Variants in PTPRD observed in about 807,000 individuals in gnomAD.
PTPRD encodes the protein receptor-type tyrosine-protein phosphatase delta.
A neutral mutation model predicts 214.5 loss-of-function variants in PTPRD; 34 were observed. The observed-to-expected ratio is 0.16, with a 90% confidence interval of 0.12 to 0.21. PTPRD has a LOEUF of 0.21. Among genes scored for constraint, PTPRD ranks in the 10% least tolerant of loss-of-function variants. The pLI is 1.00. For synonymous variants in PTPRD, 1,128 were observed against 845.7 expected (o/e 1.33, Z -5.79); for missense variants, 2,545 against 2,398.7 (o/e 1.06, Z -1.27).
At chr9:9,892,155 G>C (rs1297787757) in intron 5 of PTPRD, among the ~76,000 whole-genome samples, 1 of 152,002 alleles carries the variant, frequency 6.6e-6, no homozygotes, top group Non-Finnish European at 1.5e-5. Flanking sequence ...TTTATTTTAG[G>C]GCAGGTGCTG....
intron 11 of PTPRD, among the ~76,000 whole-genome samples, chr9:8,782,248 A>G (rs2095743490): frequency 6.6e-6 from 1 of 152,126 alleles, no homozygotes; most frequent in Non-Finnish European, 1.5e-5. Context: ...TAAAATATCT[A>G]TGCCTCACTT....
intron 4 of PTPRD, among the ~76,000 whole-genome samples, chr9:9,955,521 G>GTTTTT (rs1194987444): frequency 2.6e-4 from 38 of 145,588 alleles, no homozygotes; most frequent in African/African-American, 8.4e-4. Flanking sequence ...GTTTTGTTTT[G>GTTTTT]TTTTGTTTTT....
chr9:9,346,806 C>A (rs2048988779), intron 9 of PTPRD, among the ~76,000 whole-genome samples: 1 of 152,070 alleles, frequency 6.6e-6, no homozygotes, highest in Non-Finnish European at 1.5e-5. Flanking sequence ...TATTCTCCTG[C>A]CTCAGCCTCT....
Position 8,331,441 on chromosome 9 carries a change from G to GAGAAAT in PTPRD, c.5534+135_5534+140dup. The GAGAAAT allele has an allele frequency of 3.1e-6, 3 of 982,750 alleles. 1 individual carries two copies. Among genetic ancestry groups the GAGAAAT allele is most frequent in the Non-Finnish European group, 4.3e-6 (3 of 696,836 alleles). The allele number at this position is 982,750 out of a possible 1,614,324, so 60.9% of individuals were successfully genotyped here. A position where few individuals can be genotyped will look rare whatever the true frequency, so the allele number is the denominator to read the frequency against. Reference sequence around the variant, plus strand: ...CTTATTTTCACTTTATGAAAAGAAAGAGAAATCAATCCTGCTTTAAGTTTT... The same window carrying GAGAAAT: ...CTTATTTTCACTTTATGAAAAGAAAGAGAAATAGAAATCAATCCTGCTTTAAGTTTT... On this transcript the variant is annotated intron_variant, in intron 44 of 45. Transcript: ENST00000381196.
chr9:8,982,749 C>A (rs879307678), intron 11 of PTPRD, among the ~76,000 whole-genome samples: 3 of 151,926 alleles, frequency 2.0e-5, no homozygotes, highest in African/African-American at 7.2e-5. Flanking sequence ...TATTTAGCAA[C>A]CTGCATGTCT....
chr9:9,619,858 G>A (rs2095135091), intron 7 of PTPRD, among the ~76,000 whole-genome samples: 1 of 146,488 alleles, frequency 6.8e-6, no homozygotes, highest in African/African-American at 2.5e-5. Flanking sequence ...TTTCTATATA[G>A]AAACATCTAT....
At chr9:8,465,753 A>G in intron 31 of PTPRD, 78 bp from the exon 32 acceptor site, 3 of 1,288,132 alleles carry the variant, frequency 2.3e-6, no homozygotes, top group Non-Finnish European at 3.2e-6. Context: ...GAGATAAATT[A>G]ATTCAGAACT....
chr9:9,029,847 G>A (rs226361), intron 10 of PTPRD, among the ~76,000 whole-genome samples: 144,981 of 151,916 alleles, frequency 0.95, 69,408 homozygotes, highest in Middle Eastern at 1. Flanking sequence ...TGGATGTGGA[G>A]ATCAGGGGAA....
At chr9:9,062,735 T>C (rs2099709848) in intron 10 of PTPRD, among the ~76,000 whole-genome samples, 1 of 152,184 alleles carries the variant, frequency 6.6e-6, no homozygotes, top group Non-Finnish European at 1.5e-5. Flanking sequence ...CATGTTACTG[T>C]GTAAATATCA....
At chr9:10,242,074 C>CTA (rs1476362524) in intron 3 of PTPRD, among the ~76,000 whole-genome samples, 1 of 151,846 alleles carries the variant, frequency 6.6e-6, no homozygotes, top group African/African-American at 2.4e-5. Flanking sequence ...GAATTAAAGA[C>CTA]TATATGACCT....
chr9:8,697,714 C>G (rs1266200886), intron 12 of PTPRD, among the ~76,000 whole-genome samples: 1 of 151,886 alleles, frequency 6.6e-6, no homozygotes, highest in Non-Finnish European at 1.5e-5. Flanking sequence ...TGAGCCACCA[C>G]GCCCAGGCCT....
At chr9:10,164,077 T>A (rs926198380) in intron 3 of PTPRD, among the ~76,000 whole-genome samples, 2 of 151,430 alleles carry the variant, frequency 1.3e-5, no homozygotes, top group African/African-American at 4.8e-5. Context: ...TTCTTTCAAG[T>A]GGGAAATGCA....
chr9:9,267,039 CA>C (rs1047740440), intron 9 of PTPRD, among the ~76,000 whole-genome samples: 13 of 151,254 alleles, frequency 8.6e-5, no homozygotes, highest in African/African-American at 2.7e-4. Context: ...AGAACATCAA[CA>C]AACTTTTAGC....
At chr9:9,812,137 ATT>A (rs59927512) in intron 5 of PTPRD, among the ~76,000 whole-genome samples, 14 of 151,704 alleles carry the variant, frequency 9.2e-5, no homozygotes, top group African/African-American at 2.2e-4. Flanking sequence ...AGGTATATGC[ATT>A]TTTTTTTAGA....
intron 7 of PTPRD, among the ~76,000 whole-genome samples, chr9:9,710,140 G>T (rs920713960): frequency 6.6e-6 from 1 of 152,024 alleles, no homozygotes; most frequent in Non-Finnish European, 1.5e-5. Flanking sequence ...ATTTATCTGT[G>T]TAGCAAATAC....
chr9:8,414,930 G>GGAGA (rs58529453), intron 35 of PTPRD, among the ~76,000 whole-genome samples: 1,309 of 49,122 alleles, frequency 0.027, 61 homozygotes, highest in Middle Eastern at 0.033. Context: ...AGAGGGAGGG[G>GGAGA]GAGAGAGAGA....
At chr9:9,433,003 G>T (rs1273373017) in intron 8 of PTPRD, among the ~76,000 whole-genome samples, 1 of 152,124 alleles carries the variant, frequency 6.6e-6, no homozygotes, top group Non-Finnish European at 1.5e-5. Flanking sequence ...AATCAGAGGG[G>T]TATAATATGT....
intron 12 of PTPRD, among the ~76,000 whole-genome samples, chr9:8,678,988 A>G (rs1279921917): frequency 1.3e-5 from 2 of 152,224 alleles, no homozygotes; most frequent in Non-Finnish European, 2.9e-5. Flanking sequence ...TCATGTCACA[A>G]TGCAAATCAG....
chr9:8,490,882 T>A (rs951658576), intron 27 of PTPRD, among the ~76,000 whole-genome samples: 5 of 152,258 alleles, frequency 3.3e-5, no homozygotes, highest in Non-Finnish European at 5.9e-5. Flanking sequence ...AATTCCTGAA[T>A]TCTTTGTGGG....
Sources: gnomAD v4.1 joint callset for allele counts (sites outside exome capture counted in the v4.1 genomes callset) on GRCh38, gnomAD v4.1.1 for gene constraint, MANE v1.5 for transcripts, NCBI Gene and HGNC (gene_info 2026-07-23, HGNC 2026-07-21) for gene names.